The following NBEA variants were observed in gnomAD, a reference collection of about 807,000 sequenced individuals.
NBEA encodes lysosomal-trafficking regulator 2.
In NBEA, 44 loss-of-function variants were observed where a neutral mutation model predicts 343.4. The ratio of observed to expected loss-of-function variants is 0.13; its 90% CI spans 0.10 to 0.16. The LOEUF is 0.16. Ranked by LOEUF, NBEA falls within the 10% of genes least tolerant of loss-of-function variation. The pLI is 1.00. For synonymous variants in NBEA, 1,175 were observed against 1,238.7 expected, an observed-to-expected ratio of 0.95 and a Z score of 1.08; for missense variants, 2,555 against 3,631.3, an observed-to-expected ratio of 0.70 and a Z score of 7.62.
intron 1 of NBEA, among the ~76,000 whole-genome samples, chr13:34,946,496 A>G (rs1306370660): frequency 5.3e-5 from 8 of 152,074 alleles, no homozygotes; most frequent in Admixed American, 5.2e-4. Context: ...GAAAGAATTC[A>G]TAATTTTTTT....
At chr13:35,404,423 A>G (rs2043159949) in intron 38 of NBEA, among the ~76,000 whole-genome samples, 3 of 151,390 alleles carry the variant, frequency 2.0e-5, no homozygotes, top group African/African-American at 7.3e-5. Context: ...CTATGCAGCC[A>G]TAAAAAAGGA....
At chr13:35,458,563 T>A (rs1402752691) in intron 40 of NBEA, among the ~76,000 whole-genome samples, 1 of 152,184 alleles carries the variant, frequency 6.6e-6, no homozygotes, top group Non-Finnish European at 1.5e-5. Flanking sequence ...TATCAGACTA[T>A]CTGCTCATAC....
At chr13:35,442,254 ATAG>A (rs1170610979) in intron 39 of NBEA, among the ~76,000 whole-genome samples, 1 of 152,172 alleles carries the variant, frequency 6.6e-6, no homozygotes, top group African/African-American at 2.4e-5. Context: ...ACAAAGATGA[ATAG>A]TGCATCATCT....
chr13:35,114,717 A>G (rs1277022427), intron 13 of NBEA, among the ~76,000 whole-genome samples: 3 of 152,162 alleles, frequency 2.0e-5, no homozygotes, highest in Non-Finnish European at 2.9e-5. Context: ...CAGTACATAT[A>G]TTTTAAATGA....
At chr13:35,285,904 C>T (rs892657752) in intron 34 of NBEA, among the ~76,000 whole-genome samples, 12 of 152,114 alleles carry the variant, frequency 7.9e-5, no homozygotes, top group Admixed American at 1.3e-4. Context: ...TCACAGCCTA[C>T]GACATAACAT....
rs559932535 is a variant in NBEA, at chr13:35,558,002, AG to A, written c.6922+2901del. Among the ~76,000 whole-genome samples the A allele has an allele frequency of 2.0e-3, 308 of 152,322 alleles. 1 individual carries two copies. The highest frequency in any genetic ancestry group is 6.9e-3 in the African/African-American group (288 of 41,574). On this transcript the variant is annotated intron_variant, in intron 44 of 58. Coordinates refer to ENST00000379939, the MANE Select transcript of NBEA (RefSeq NM_001385012.1). The stretch of plus-strand genomic sequence containing the variant: ...GGCTTTTAGGAGTCAGTATAGTGTT[AG>A]AGTAGAAGGGAATGCGATGTGGAGT...
chr13:35,564,173 T>C (rs1256659689), intron 44 of NBEA, among the ~76,000 whole-genome samples: 1 of 152,070 alleles, frequency 6.6e-6, no homozygotes, highest in Non-Finnish European at 1.5e-5. Context: ...TTTATGTAAA[T>C]TGGCTTTTTA....
chr13:35,428,218 G>C (rs1251826869), intron 38 of NBEA, among the ~76,000 whole-genome samples: 1 of 152,148 alleles, frequency 6.6e-6, no homozygotes, highest in African/African-American at 2.4e-5. Flanking sequence ...CCCATCTTCT[G>C]CGTTGCTCAC....
At chr13:35,590,565 G>T (rs1266439830) in intron 46 of NBEA, among the ~76,000 whole-genome samples, 1 of 152,074 alleles carries the variant, frequency 6.6e-6, no homozygotes, top group Non-Finnish European at 1.5e-5. Flanking sequence ...GTTAAGAGTT[G>T]AAAACTAGAC....
At chr13:35,643,536 C>T (rs771316727) in intron 49 of NBEA, among the ~76,000 whole-genome samples, 1 of 152,178 alleles carries the variant, frequency 6.6e-6, no homozygotes, top group East Asian at 1.9e-4. Context: ...CTTCTGTATT[C>T]ACCAAATATT....
intron 41 of NBEA, among the ~76,000 whole-genome samples, chr13:35,536,300 G>C (rs2078537252): frequency 6.6e-6 from 1 of 152,048 alleles, no homozygotes. Flanking sequence ...AATATTTTTT[G>C]AATAAATGCT....
At chr13:35,050,191 A>G (rs2063016296) in intron 5 of NBEA, 78 bp from the exon 6 acceptor site, 14 of 1,346,770 alleles carry the variant, frequency 1.0e-5, no homozygotes, top group Non-Finnish European at 1.4e-5. Flanking sequence ...TTTTATTTTT[A>G]TAAGAATGTT....
intron 17 of NBEA, among the ~76,000 whole-genome samples, chr13:35,141,407 C>T (rs935885408): frequency 6.6e-6 from 1 of 152,150 alleles, no homozygotes; most frequent in East Asian, 1.9e-4. Context: ...GCTGGGACTA[C>T]AGGCATGTGC....
chr13:35,550,165 C>A (rs1286868954), intron 41 of NBEA, among the ~76,000 whole-genome samples: 1 of 152,138 alleles, frequency 6.6e-6, no homozygotes, highest in Non-Finnish European at 1.5e-5. Context: ...AAAGAACCAA[C>A]AATATATGTC....
At chr13:35,324,554 A>G (rs2038405431) in intron 36 of NBEA, among the ~76,000 whole-genome samples, 1 of 152,220 alleles carries the variant, frequency 6.6e-6, no homozygotes, top group Non-Finnish European at 1.5e-5. Flanking sequence ...CTTATTAATT[A>G]CAATGTATCT....
intron 34 of NBEA, among the ~76,000 whole-genome samples, chr13:35,284,534 A>G (rs2035291981): frequency 6.6e-6 from 1 of 152,192 alleles, no homozygotes; most frequent in South Asian, 2.1e-4. Flanking sequence ...GAGAGAACAC[A>G]TAGGCAAACC....
At chr13:35,435,092 G>A (rs1484147727) in intron 39 of NBEA, among the ~76,000 whole-genome samples, 2 of 152,058 alleles carry the variant, frequency 1.3e-5, no homozygotes, top group East Asian at 1.9e-4. Flanking sequence ...GCAATGGCGC[G>A]ATCTCAGCTC....
chr13:34,977,423 C>G (rs927542789), intron 1 of NBEA, among the ~76,000 whole-genome samples: 1 of 151,888 alleles, frequency 6.6e-6, no homozygotes, highest in African/African-American at 2.4e-5. Context: ...ATTCTTCTGC[C>G]TCAGCGTCTT....
At chr13:35,068,434 G>T (rs1202648363) in intron 8 of NBEA, among the ~76,000 whole-genome samples, 2 of 152,074 alleles carry the variant, frequency 1.3e-5, no homozygotes, top group African/African-American at 4.8e-5. Flanking sequence ...TTTCAGCAGT[G>T]GTAAATTGCA....
Sources: gnomAD v4.1 joint callset for allele counts (sites outside exome capture counted in the v4.1 genomes callset) on GRCh38, gnomAD v4.1.1 for gene constraint, MANE v1.5 for transcripts, NCBI Gene and HGNC (gene_info 2026-07-23, HGNC 2026-07-21) for gene names.